Variants in NAV3 observed in about 807,000 individuals in gnomAD.
NAV3 encodes neuron navigator 3, also known as pore membrane and/or filament interacting like protein 1.
NAV3 carries 87 observed loss-of-function variants against 244.7 expected under a neutral mutation model. The observed-to-expected ratio is 0.36, with a 90% CI of 0.30 to 0.42. The LOEUF (loss-of-function observed/expected upper bound fraction) is 0.42. Ranked by LOEUF, NAV3 falls within the 20% of genes least tolerant of loss-of-function variation. The probability of loss-of-function intolerance (pLI) is 1.00; values close to 1 mark genes in which losing one functional copy is unlikely to be tolerated. For missense variants in NAV3, 2,663 were observed against 2,893.3 expected, an observed-to-expected ratio of 0.92 and a Z score of 1.83; for synonymous variants, 1,126 against 1,042.2, an observed-to-expected ratio of 1.08 and a Z score of -1.55.
At chr12:77,941,238 A>G in intron 3 of NAV3, 105 bp downstream of exon 3, 2 of 755,554 alleles carry the variant, frequency 2.6e-6, no homozygotes, top group Non-Finnish European at 4.3e-6. Context: ...TTCCTGCTTA[A>G]GAAACCATTT....
At chr12:78,182,405 C>T (rs1342722411) in intron 30 of NAV3, among the ~76,000 whole-genome samples, 1 of 151,902 alleles carries the variant, frequency 6.6e-6, no homozygotes, top group African/African-American at 2.4e-5. Context: ...GGCTTGTCTC[C>T]TAGGAAAAGA....
At chr12:77,841,471 T>A (rs762225450) in intron 1 of NAV3, among the ~76,000 whole-genome samples, 1 of 152,196 alleles carries the variant, frequency 6.6e-6, no homozygotes, top group African/African-American at 2.4e-5. Flanking sequence ...CTATAACAGA[T>A]AAAACCTAGG....
intron 7 of NAV3, among the ~76,000 whole-genome samples, chr12:78,005,899 C>G (rs546528122): frequency 6.6e-6 from 1 of 151,960 alleles, no homozygotes; most frequent in Admixed American, 6.6e-5. Context: ...TAGAATAAAG[C>G]GAAATATCAT....
At chr12:78,105,686 T>C (rs1384479045) in intron 12 of NAV3, among the ~76,000 whole-genome samples, 6 of 152,042 alleles carry the variant, frequency 3.9e-5, no homozygotes, top group Non-Finnish European at 8.8e-5. Flanking sequence ...GCATTTTATC[T>C]TTTTTCTTTC....
intron 2 of NAV3, among the ~76,000 whole-genome samples, chr12:77,794,203 C>G (rs1037763895): frequency 2.3e-4 from 35 of 151,988 alleles, no homozygotes; most frequent in Admixed American, 2.3e-3. Flanking sequence ...TTTTAAAGTT[C>G]CTTGTAGATT....
chr12:77,961,022 A>G (rs936670050), intron 3 of NAV3, among the ~76,000 whole-genome samples: 4 of 141,980 alleles, frequency 2.8e-5, no homozygotes, highest in Admixed American at 1.4e-4. Context: ...TGTATATGTT[A>G]CATGTATACG....
At chr12:77,821,770 G>T (rs113835774) in intron 2 of NAV3, among the ~76,000 whole-genome samples, 1 of 152,094 alleles carries the variant, frequency 6.6e-6, no homozygotes, top group Non-Finnish European at 1.5e-5. Context: ...ATTTTTGGCC[G>T]CATTTCCCAG....
intron 2 of NAV3, among the ~76,000 whole-genome samples, chr12:77,609,620 C>G (rs1331837779): frequency 2.0e-5 from 3 of 151,950 alleles, no homozygotes; most frequent in African/African-American, 7.2e-5. Flanking sequence ...GAGATGGGGC[C>G]TGAGAATTTG....
intron 19 of NAV3, 80 bp from the exon 20 acceptor site, chr12:78,140,202 T>G: frequency 8.7e-7 from 1 of 1,149,018 alleles, no homozygotes; most frequent in Non-Finnish European, 1.3e-6. Flanking sequence ...AACCACCCGT[T>G]CTTTACTTTT....
intron 2 of NAV3, among the ~76,000 whole-genome samples, chr12:77,762,999 G>A (rs948412224): frequency 3.2e-4 from 49 of 152,144 alleles, no homozygotes; most frequent in African/African-American, 1.1e-3. Context: ...TTCTAGTCAT[G>A]TTGCATTTCC....
chr12:78,118,545 C>T (rs1258613532), intron 14 of NAV3, among the ~76,000 whole-genome samples: 2 of 152,192 alleles, frequency 1.3e-5, no homozygotes, highest in Admixed American at 1.3e-4. Flanking sequence ...GATGCCTTAC[C>T]TTGCCAGAGT....
intron 2 of NAV3, among the ~76,000 whole-genome samples, chr12:77,711,449 A>G (rs1876108563): frequency 6.6e-6 from 1 of 152,186 alleles, no homozygotes. Context: ...ATGTTGTGCT[A>G]ATTTTCTTTT....
At chr12:77,674,206 T>C (rs1874109096) in intron 2 of NAV3, among the ~76,000 whole-genome samples, 1 of 152,200 alleles carries the variant, frequency 6.6e-6, no homozygotes, top group South Asian at 2.1e-4. Flanking sequence ...TTAGCTCATG[T>C]GGTTTGGGTC....
At chr12:77,649,957 G>A (rs1872754596) in intron 2 of NAV3, among the ~76,000 whole-genome samples, 1 of 152,104 alleles carries the variant, frequency 6.6e-6, no homozygotes, top group South Asian at 2.1e-4. Context: ...CAATCTTTTT[G>A]TTCACATACA....
chr12:78,117,392 ATATATATT>A lies in NAV3; in HGVS notation c.2769+499_2769+506del, dbSNP rs1319291119. 2.8e-5 allele frequency among the ~76,000 whole-genome samples: 4 copies of A among 142,224 alleles called. No homozygotes were observed. In the South Asian group the frequency reaches 8.5e-4, roughly 30 times the overall value. 93.3% of individuals were successfully genotyped at this position (142,224 alleles called of 152,430 possible). On this transcript the variant is annotated intron_variant, in intron 13 of 39. Coordinates refer to ENST00000397909, the MANE Select transcript of NAV3 (RefSeq NM_001024383.2). ...GATATATATTTTATATATTATATAA[ATATATATT>A]TATATATTTAATATATTAATGATGA...
chr12:78,128,651 G>T (rs2138844882), intron 17 of NAV3, 55 bp from the exon 18 acceptor site: 2 of 1,542,340 alleles, frequency 1.3e-6, no homozygotes, highest in South Asian at 1.2e-5. Flanking sequence ...TCCTGTCCTG[G>T]CATTGCCTTG....
intron 2 of NAV3, among the ~76,000 whole-genome samples, chr12:77,583,823 T>A (rs1592474117): frequency 6.6e-6 from 1 of 152,138 alleles, no homozygotes; most frequent in African/African-American, 2.4e-5. Context: ...CATAATCTCA[T>A]CCCATTCCCC....
At chr12:77,709,011 G>C (rs1344327056) in intron 2 of NAV3, among the ~76,000 whole-genome samples, 1 of 152,176 alleles carries the variant, frequency 6.6e-6, no homozygotes, top group Admixed American at 6.6e-5. Flanking sequence ...TGCAAACAGG[G>C]ACAATTTGAC....
intron 2 of NAV3, among the ~76,000 whole-genome samples, chr12:77,703,302 C>G (rs1875643713): frequency 6.6e-6 from 1 of 152,068 alleles, no homozygotes; most frequent in African/African-American, 2.4e-5. Context: ...GTGTCTGTCT[C>G]CTTTCACATA....
Sources: allele counts gnomAD v4.1 joint callset (sites outside exome capture counted in the v4.1 genomes callset), GRCh38; gene constraint gnomAD v4.1.1; transcripts MANE v1.5; gene names NCBI Gene and HGNC (gene_info 2026-07-23, HGNC 2026-07-21).